MACROD2: variants seen among roughly 807,000 people sequenced by gnomAD.
MACROD2 encodes the protein ADP-ribose glycohydrolase MACROD2.
In MACROD2, 36 loss-of-function variants were observed where a neutral mutation model predicts 70.4. That is an observed-to-expected ratio of 0.51 (90% CI 0.39 to 0.68). The LOEUF (loss-of-function observed/expected upper bound fraction) is 0.68. Among genes scored for constraint, MACROD2 ranks in the 30% least tolerant of loss-of-function variants. The probability of loss-of-function intolerance (pLI) is 0.00; values close to 1 mark genes in which losing one functional copy is unlikely to be tolerated. For synonymous variants in MACROD2, 172 were observed against 178.8 expected, an observed-to-expected ratio of 0.96 and a Z score of 0.30; for missense variants, 496 against 538.4, an observed-to-expected ratio of 0.92 and a Z score of 0.78.
At chr20:14,383,698 G>T (rs984311000) in intron 3 of MACROD2, among the ~76,000 whole-genome samples, 3 of 152,066 alleles carry the variant, frequency 2.0e-5, no homozygotes, top group African/African-American at 7.2e-5. Flanking sequence ...AATTGATGTT[G>T]GTTAGAGAAA....
At chr20:15,012,717 A>T (rs1302075097) in intron 5 of MACROD2, among the ~76,000 whole-genome samples, 1 of 152,048 alleles carries the variant, frequency 6.6e-6, no homozygotes, top group Non-Finnish European at 1.5e-5. Context: ...TGCCTCACCC[A>T]CGCTCCCCCT....
intron 4 of MACROD2, among the ~76,000 whole-genome samples, chr20:14,586,084 AT>A (rs1419519250): frequency 6.6e-6 from 1 of 152,138 alleles, no homozygotes; most frequent in African/African-American, 2.4e-5. Context: ...AATTCTTTAC[AT>A]TTTGGAGAAA....
At chr20:14,531,971 A>C (rs1224665969) in intron 4 of MACROD2, among the ~76,000 whole-genome samples, 1 of 151,902 alleles carries the variant, frequency 6.6e-6, no homozygotes, top group African/African-American at 2.4e-5. Context: ...CTCAGCCAGC[A>C]CTCGACGTTC....
At chr20:15,001,089 A>G (rs1216788603) in intron 5 of MACROD2, among the ~76,000 whole-genome samples, 1 of 152,182 alleles carries the variant, frequency 6.6e-6, no homozygotes, top group Non-Finnish European at 1.5e-5. Flanking sequence ...TATGATCTCA[A>G]GAATAATGGT....
chr20:15,255,380 C>T (rs965122352), intron 6 of MACROD2, among the ~76,000 whole-genome samples: 1 of 152,074 alleles, frequency 6.6e-6, no homozygotes, highest in Non-Finnish European at 1.5e-5. Flanking sequence ...TGTCAGTCTC[C>T]CACAAGACCA....
At chr20:15,531,996 CAT>C (rs2047809432) in intron 8 of MACROD2, among the ~76,000 whole-genome samples, 1 of 152,114 alleles carries the variant, frequency 6.6e-6, no homozygotes, top group Non-Finnish European at 1.5e-5. Context: ...CTATAACTAA[CAT>C]GTATTGAGTA....
chr20:14,658,857 A>C lies in MACROD2; in HGVS notation c.302-25986A>C, dbSNP rs368914110. 1.7e-4 allele frequency among the ~76,000 whole-genome samples: 26 copies of C among 152,298 alleles called. 1 individual carries two copies. In the South Asian group the frequency reaches 5.4e-3, roughly 32 times the overall value. ...TCAAACTCCTGAGCTCAGGCAAACC[A>C]CATGCCTCGGCCTCCCAGAGTGTGG... On this transcript the variant is annotated intron_variant, in intron 4 of 17. Transcript: ENST00000684519.
intron 8 of MACROD2, among the ~76,000 whole-genome samples, chr20:15,672,662 G>A (rs926023539): frequency 3.9e-5 from 6 of 152,094 alleles, no homozygotes; most frequent in African/African-American, 1.4e-4. Context: ...AAACTCTCAA[G>A]CCAAAGCCAG....
rs1034974952 is a variant in MACROD2 at position 16,052,309 on chromosome 20, T to G, written c.*2433T>G. On this transcript the variant is annotated 3_prime_UTR_variant, in exon 18 of 18. Transcript: ENST00000684519. ...AAAGACACCTGAACACAGAAAACCTTTATTTGCTGGTGCTGCCATTGCACA... is the reference window on the plus strand; with the variant it reads ...AAAGACACCTGAACACAGAAAACCTGTATTTGCTGGTGCTGCCATTGCACA... 1 of 152,216 alleles carries G rather than the reference T, an allele frequency of 6.6e-6. No individual in the cohort carries two copies. The highest frequency in any genetic ancestry group is 1.5e-5 in the Non-Finnish European group (1 of 68,030). The allele number at this position is 152,216 out of a possible 1,614,324, so 9.4% of individuals were successfully genotyped here.
At chr20:15,117,433 C>G (rs1349954116) in intron 5 of MACROD2, among the ~76,000 whole-genome samples, 1 of 152,014 alleles carries the variant, frequency 6.6e-6, no homozygotes, top group Admixed American at 6.5e-5. Flanking sequence ...GAACATGGTC[C>G]TTTACAAGAT....
intron 8 of MACROD2, among the ~76,000 whole-genome samples, chr20:15,509,035 A>G (rs2047464861): frequency 6.6e-6 from 1 of 152,164 alleles, no homozygotes; most frequent in Admixed American, 6.5e-5. Flanking sequence ...TTGGAGGGTT[A>G]TTTTTTTCAA....
chr20:15,513,561 TGC>T (rs1491248257), intron 8 of MACROD2, among the ~76,000 whole-genome samples: 7 of 150,412 alleles, frequency 4.7e-5, no homozygotes, highest in Admixed American at 6.6e-5. Context: ...CCAGAGGCTC[TGC>T]GTGTGTGTGT....
At chr20:15,549,155 G>A (rs1286157154) in intron 8 of MACROD2, among the ~76,000 whole-genome samples, 3 of 152,194 alleles carry the variant, frequency 2.0e-5, no homozygotes, top group African/African-American at 7.2e-5. Context: ...AGCAATAATA[G>A]CAGAAATAAA....
At chr20:14,703,450 A>G (rs2071231030) in intron 5 of MACROD2, among the ~76,000 whole-genome samples, 1 of 152,182 alleles carries the variant, frequency 6.6e-6, no homozygotes, top group African/African-American at 2.4e-5. Flanking sequence ...CTATAAACAA[A>G]TGTTAGGTAT....
chr20:15,070,918 A>C (rs528356567), intron 5 of MACROD2, among the ~76,000 whole-genome samples: 1 of 146,552 alleles, frequency 6.8e-6, no homozygotes, highest in East Asian at 1.9e-4. Flanking sequence ...TTGGAAAAAA[A>C]AAAAAACCCA....
At chr20:15,061,821 C>T (rs959373239) in intron 5 of MACROD2, among the ~76,000 whole-genome samples, 1 of 152,166 alleles carries the variant, frequency 6.6e-6, no homozygotes, top group Non-Finnish European at 1.5e-5. Context: ...TTTTGGGTCT[C>T]AGAGAGAGTT....
intron 3 of MACROD2, among the ~76,000 whole-genome samples, chr20:14,278,223 A>G (rs1447058088): frequency 6.6e-6 from 1 of 152,224 alleles, no homozygotes; most frequent in Non-Finnish European, 1.5e-5. Context: ...GCAATTTCCA[A>G]AAAGTTAATA....
chr20:14,485,152 A>T (rs1389148145), intron 3 of MACROD2, among the ~76,000 whole-genome samples: 1 of 152,082 alleles, frequency 6.6e-6, no homozygotes, highest in Non-Finnish European at 1.5e-5. Flanking sequence ...ATGTGGATAC[A>T]CACACACATA....
chr20:14,013,070 CTA>C (rs2052936195), intron 2 of MACROD2, among the ~76,000 whole-genome samples: 4 of 151,908 alleles, frequency 2.6e-5, no homozygotes, highest in African/African-American at 9.7e-5. Context: ...ATGAAATAGA[CTA>C]GTGTCTACAT....
Sources: gnomAD v4.1 joint callset for allele counts (sites outside exome capture counted in the v4.1 genomes callset) on GRCh38, gnomAD v4.1.1 for gene constraint, MANE v1.5 for transcripts, NCBI Gene and HGNC (gene_info 2026-07-23, HGNC 2026-07-21) for gene names.